Variants in EPB41L1 observed in about 807,000 individuals in gnomAD.
The protein encoded by EPB41L1 is band 4.1-like protein 1.
A neutral mutation model predicts 97.8 loss-of-function variants in EPB41L1; 29 were observed. The observed-to-expected ratio is 0.30, with a 90% CI of 0.22 to 0.40. EPB41L1 has a LOEUF of 0.40. EPB41L1 is among the 10% of genes least tolerant of loss of function. EPB41L1 has a pLI of 1.00. For synonymous variants in EPB41L1, 383 were observed against 459.2 expected (o/e 0.83, Z 2.12); for missense variants, 812 against 1,162.3 (o/e 0.70, Z 4.38).
intron 1 of EPB41L1, among the ~76,000 whole-genome samples, chr20:36,166,317 T>C (rs2060736513): frequency 6.6e-6 from 1 of 152,228 alleles, no homozygotes; most frequent in Non-Finnish European, 1.5e-5. Context: ...TCTTCTTTTG[T>C]AAAATAGGGA....
chr20:36,104,732 A>G (rs533488935), intron 1 of EPB41L1, among the ~76,000 whole-genome samples: 1 of 152,304 alleles, frequency 6.6e-6, no homozygotes, highest in East Asian at 1.9e-4. Flanking sequence ...CAGAATCTCT[A>G]TATGTCAGAG....
Position 36,222,295 on chromosome 20 carries a change from CAAG to C in EPB41L1, c.2539_2541del (p.Lys847del). On this transcript the variant is annotated inframe_deletion, in exon 21 of 22. Transcript: ENST00000338074. ...ACCACCAGGCCCTGGCTTTGGCCAT[CAAG>C]GAGGCCAAACTGCAGCATCCTGATA... 6.2e-7 allele frequency: 1 copy of C among 1,614,108 alleles called. No individual in the cohort carries two copies. The highest frequency in any genetic ancestry group is 8.5e-7 in the Non-Finnish European group (1 of 1,179,982).
intron 2 of EPB41L1, among the ~76,000 whole-genome samples, chr20:36,128,654 A>G (rs2059068577): frequency 6.6e-6 from 1 of 152,188 alleles, no homozygotes; most frequent in African/African-American, 2.4e-5. Flanking sequence ...TTGGGCTGTA[A>G]GCAATGTCAA....
chr20:36,128,362 G>A (rs939098184), intron 2 of EPB41L1, among the ~76,000 whole-genome samples: 7 of 152,164 alleles, frequency 4.6e-5, no homozygotes, highest in African/African-American at 1.7e-4. Flanking sequence ...CCCAGGCCGG[G>A]CCTTAGATGC....
intron 6 of EPB41L1, 65 bp downstream of exon 6, chr20:36,182,412 C>T: frequency 6.4e-7 from 1 of 1,560,852 alleles, no homozygotes; most frequent in Non-Finnish European, 8.8e-7. Flanking sequence ...GGGACCCTGG[C>T]CCTGGGGACA....
At chr20:36,183,095 C>T (rs1209521638) in intron 6 of EPB41L1, among the ~76,000 whole-genome samples, 1 of 152,224 alleles carries the variant, frequency 6.6e-6, no homozygotes, top group Non-Finnish European at 1.5e-5. Flanking sequence ...GGGGTTATCC[C>T]ATTTCTGGAA....
At chr20:36,110,179 G>T (rs2058343580) in intron 1 of EPB41L1, among the ~76,000 whole-genome samples, 1 of 152,144 alleles carries the variant, frequency 6.6e-6, no homozygotes, top group Non-Finnish European at 1.5e-5. Context: ...CACCTCAGGT[G>T]ATCCGCCCGC....
intron 2 of EPB41L1, among the ~76,000 whole-genome samples, chr20:36,116,247 G>T (rs2147632384): frequency 6.6e-6 from 1 of 152,212 alleles, no homozygotes; most frequent in African/African-American, 2.4e-5. Context: ...TGGACATTCA[G>T]TTCAGGGAGG....
At chr20:36,153,228 G>C, upstream of EPB41L1, 1 of 385,648 alleles carries the variant, frequency 2.6e-6, no homozygotes, top group South Asian at 1.9e-5. Flanking sequence ...GTGCCTATGA[G>C]GACCCAGGGT....
intron 2 of EPB41L1, among the ~76,000 whole-genome samples, chr20:36,133,393 T>G (rs1306112852): frequency 6.6e-6 from 1 of 152,260 alleles, no homozygotes; most frequent in Non-Finnish European, 1.5e-5. Flanking sequence ...CTCCCTGACC[T>G]TGAGCATGCC....
intron 2 of EPB41L1, among the ~76,000 whole-genome samples, chr20:36,129,899 G>A (rs2147744113): frequency 6.6e-6 from 1 of 151,760 alleles, no homozygotes; most frequent in African/African-American, 2.4e-5. Flanking sequence ...AGAGTAGCCG[G>A]GATTACAGAG....
In EPB41L1 at chr20:36,219,800, A is replaced by G. The variant is rs780979119; in HGVS notation, c.2395A>G (p.Thr799Ala). 6.2e-7 allele frequency: 1 copy of G among 1,614,188 alleles called. No individual in the cohort carries two copies. Residue 799 changes from threonine (T) to alanine (A), a missense_variant, in exon 19 of 22, where the codon ACT becomes GCT. Around this residue, in one of 3 missense-constraint regions of EPB41L1, gnomAD observed 498 missense variants for 622.7 expected, o/e 0.80. Transcript: ENST00000338074. ...TGTCCTCACCAGCACCTACGGCGCC[A>G]CTGCGGAAACCCTCTCAACCTCCAC... ...KDVLTSTYGATAETLSTSTTT... is the reference protein window; with the variant it reads ...KDVLTSTYGAAAETLSTSTTT...
chr20:36,157,970 T>C (rs1427332784), intron 1 of EPB41L1, among the ~76,000 whole-genome samples: 1 of 152,198 alleles, frequency 6.6e-6, no homozygotes, highest in Admixed American at 6.5e-5. Context: ...TAACATTTAT[T>C]GAGCATTTAT....
chr20:36,114,305 C>T (rs2058516381), intron 2 of EPB41L1, among the ~76,000 whole-genome samples: 1 of 152,108 alleles, frequency 6.6e-6, no homozygotes, highest in Non-Finnish European at 1.5e-5. Flanking sequence ...TTTTGCCCTC[C>T]TCGTGGCTTA....
At position 36,206,189 on chromosome 20, in the gene EPB41L1, T is replaced by A; in HGVS notation, c.1669-3299T>A. On this transcript the variant is annotated intron_variant, in intron 14 of 21. Transcript: ENST00000338074. This position sits in a 1 kb window ranked among gnomAD's most constrained non-coding sequence, Gnocchi z 5.5. Reference sequence around the variant, plus strand: ...GGCCGCACATTGGCAGAAAAGCTCCTCGAGGGCTCTGAGCTCAGGGCAGAC... The same window carrying A: ...GGCCGCACATTGGCAGAAAAGCTCCACGAGGGCTCTGAGCTCAGGGCAGAC... 5 of 1,289,872 alleles carry A rather than the reference T, an allele frequency of 3.9e-6. No individual in the cohort carries two copies. The highest frequency in any genetic ancestry group is 5.1e-6 in the Non-Finnish European group (5 of 988,892). 79.9% of individuals were successfully genotyped at this position (1,289,872 alleles called of 1,614,324 possible).
Position 36,207,353 on chromosome 20 carries a change from T to G in EPB41L1, c.1669-2135T>G. 7.8e-7 allele frequency: 1 copy of G among 1,288,444 alleles called. No homozygotes were observed. The highest frequency in any genetic ancestry group is 1.0e-6 in the Non-Finnish European group (1 of 987,948). The allele number at this position is 1,288,444 out of a possible 1,614,324, so 79.8% of individuals were successfully genotyped here. ...GCTGAGGGGCGCATACCTCTGGGGT[T>G]TGGGTTCCCTTCAGGGAAGCGAAGG... is the stretch of plus-strand genomic sequence containing the variant. On this transcript the variant is annotated intron_variant, in intron 14 of 21. Coordinates refer to ENST00000338074, the MANE Select transcript of EPB41L1 (RefSeq NM_012156.2). The surrounding 1 kb of genome is among the most constrained non-coding windows in gnomAD (Gnocchi z 4.9).
chr20:36,114,909 G>A (rs1444882385), intron 2 of EPB41L1, among the ~76,000 whole-genome samples: 3 of 152,120 alleles, frequency 2.0e-5, no homozygotes, highest in East Asian at 3.9e-4. Flanking sequence ...GACACCGGGG[G>A]AGTAGAAGGC....
chr20:36,124,623 C>T (rs1027838403), intron 2 of EPB41L1, among the ~76,000 whole-genome samples: 4 of 152,234 alleles, frequency 2.6e-5, no homozygotes, highest in Non-Finnish European at 5.9e-5. Flanking sequence ...AGTCCTCCCA[C>T]CCCCTGCACT....
At chr20:36,204,594 C>T (rs879525810) in intron 14 of EPB41L1, among the ~76,000 whole-genome samples, 2 of 150,226 alleles carry the variant, frequency 1.3e-5, no homozygotes, top group African/African-American at 2.5e-5. Flanking sequence ...AAGCAATTCT[C>T]CTGCCTCAGC....
Sources: allele counts gnomAD v4.1 joint callset (sites outside exome capture counted in the v4.1 genomes callset), GRCh38; gene constraint gnomAD v4.1.1; regional missense constraint gnomAD v4.1.1; non-coding constraint Gnocchi (gnomAD v3.1); transcripts MANE v1.5; gene names NCBI Gene and HGNC (gene_info 2026-07-23, HGNC 2026-07-21).